CPNE2: variants seen among roughly 807,000 people sequenced by gnomAD.
The protein encoded by CPNE2 is copine 2, also known as copine-2.
CPNE2 carries 42 observed loss-of-function variants against 69.7 expected under a neutral mutation model. That is an observed-to-expected ratio of 0.60 (90% CI 0.47 to 0.78). The LOEUF (loss-of-function observed/expected upper bound fraction) is 0.78. Among genes scored for constraint, CPNE2 ranks in the 30% least tolerant of loss-of-function variants. The probability of loss-of-function intolerance (pLI) is 0.00; values close to 1 mark genes in which losing one functional copy is unlikely to be tolerated. For missense variants in CPNE2, 587 were observed against 732.0 expected (o/e 0.80, Z 2.29); for synonymous variants, 294 against 289.8 (o/e 1.01, Z -0.15).
chr16:57,109,210 C>T (rs889903719), intron 1 of CPNE2, among the ~76,000 whole-genome samples: 1 of 152,190 alleles, frequency 6.6e-6, no homozygotes, highest in South Asian at 2.1e-4. Context: ...CGCGGTGGCT[C>T]ATGCCTGTAA....
chr16:57,138,423 T>C (rs897526773), intron 14 of CPNE2, among the ~76,000 whole-genome samples: 4 of 152,138 alleles, frequency 2.6e-5, no homozygotes, highest in Admixed American at 2.0e-4. Context: ...ATCCAGCCGC[T>C]GCCCTGCCAA....
intron 9 of CPNE2, among the ~76,000 whole-genome samples, chr16:57,121,972 G>T (rs973960355): frequency 3.9e-5 from 6 of 152,230 alleles, no homozygotes; most frequent in African/African-American, 1.2e-4. Flanking sequence ...CATGTCCAGG[G>T]TTACTCTTCT....
intron 1 of CPNE2, among the ~76,000 whole-genome samples, chr16:57,094,500 A>G (rs1176551931): frequency 6.6e-6 from 1 of 152,172 alleles, no homozygotes; most frequent in Non-Finnish European, 1.5e-5. Flanking sequence ...TAAAACAGTA[A>G]GTACTGGACC....
chr16:57,123,246 G>A (rs1404480530), intron 9 of CPNE2, 168 bp from the exon 10 acceptor site: 4 of 686,650 alleles, frequency 5.8e-6, no homozygotes, highest in Admixed American at 4.5e-5. Context: ...CCATTGCACT[G>A]AAGGCTTTGT....
chr16:57,113,880 G>A (rs925260691), intron 3 of CPNE2, among the ~76,000 whole-genome samples: 3 of 152,234 alleles, frequency 2.0e-5, no homozygotes, highest in Non-Finnish European at 4.4e-5. Flanking sequence ...TAAGCTCCTG[G>A]AGGCCGGGAG....
Position 57,148,033 on chromosome 16 carries a change from C to T in CPNE2, c.*375C>T, listed in dbSNP as rs535842503. 78 of 172,568 alleles carry T rather than the reference C, an allele frequency of 4.5e-4. No homozygotes were observed. Among genetic ancestry groups the T allele is most frequent in the South Asian group, 2.0e-4 (1 of 5,056 alleles). The allele number at this position is 172,568 out of a possible 1,614,324, so 10.7% of individuals were successfully genotyped here. A position where few individuals can be genotyped will look rare whatever the true frequency, so the allele number is the denominator to read the frequency against. ...AAACATGTCCTTGGTGCATACGTGT[C>T]GTAGCCTGCACCTAATTAATTCCTG... On this transcript the variant is annotated 3_prime_UTR_variant, in exon 16 of 16. Coordinates refer to ENST00000290776, the MANE Select transcript of CPNE2 (RefSeq NM_152727.6).
In CPNE2 at chr16:57,137,226, A is replaced by G; in HGVS notation, c.1246A>G (p.Ile416Val). The G allele has an allele frequency of 6.2e-7, 1 of 1,614,110 alleles. No homozygotes were observed. Among genetic ancestry groups the G allele is most frequent in the Non-Finnish European group, 8.5e-7 (1 of 1,180,012 alleles). Residue 416 changes from isoleucine (I) to valine (V), a missense_variant, in exon 14 of 16, where the codon ATC (isoleucine) becomes GTC (valine). Ile to Val is a conservative substitution (Grantham distance 29, BLOSUM62 3). Around this residue, in one of 5 missense-constraint regions of CPNE2, gnomAD observed 185 missense variants for 252.3 expected, o/e 0.73. Transcript: ENST00000290776. The stretch of plus-strand genomic sequence containing the variant: ...CTACGGTCCTACCAATTTCTCCCCC[A>G]TCGTCAACCACGTGGCCCGGTTTGC... ...RFYGPTNFSPIVNHVARFAAQ... is the reference protein window; with the variant it reads ...RFYGPTNFSPVVNHVARFAAQ...
intron 2 of CPNE2, among the ~76,000 whole-genome samples, chr16:57,112,322 G>A (rs1248301814): frequency 2.0e-5 from 3 of 152,136 alleles, no homozygotes; most frequent in Non-Finnish European, 4.4e-5. Flanking sequence ...GCCTGTGAGA[G>A]GCATGTCTGG....
chr16:57,103,736 C>T (rs535296249), intron 1 of CPNE2, among the ~76,000 whole-genome samples: 26 of 152,328 alleles, frequency 1.7e-4, no homozygotes, highest in Admixed American at 7.2e-4. Flanking sequence ...AGCTCCTCCC[C>T]GACAGTGAGC....
intron 1 of CPNE2, chr16:57,110,501 C>G (rs2069673947): frequency 3.4e-6 from 1 of 293,042 alleles, no homozygotes; most frequent in Non-Finnish European, 6.4e-6. Context: ...TAGGCGTGAG[C>G]CACTGCGCTC....
At chr16:57,096,750 G>A (rs1567663672) in intron 1 of CPNE2, among the ~76,000 whole-genome samples, 2 of 151,536 alleles carry the variant, frequency 1.3e-5, no homozygotes, top group Admixed American at 1.3e-4. Flanking sequence ...AAGAGGGATT[G>A]CAGGAGTTGT....
chr16:57,136,534 A>G (rs921470152), intron 13 of CPNE2, among the ~76,000 whole-genome samples: 3 of 152,228 alleles, frequency 2.0e-5, no homozygotes, highest in African/African-American at 2.4e-5. Context: ...GCCAACTGCC[A>G]GAGTGTAGAT....
chr16:57,125,004 T>G, intron 10 of CPNE2: 2 of 285,664 alleles, frequency 7.0e-6, no homozygotes, highest in Non-Finnish European at 1.4e-5. Flanking sequence ...CCTGGGGGAG[T>G]GACCCTCTAG....
At chr16:57,110,076 T>G (rs1212663888) in intron 1 of CPNE2, among the ~76,000 whole-genome samples, 1 of 152,210 alleles carries the variant, frequency 6.6e-6, no homozygotes, top group African/African-American at 2.4e-5. Flanking sequence ...GAGACACCCA[T>G]GTCCACTGTG....
Position 57,147,680 on chromosome 16 carries a change from A to T in CPNE2, c.*22A>T. The T allele has an allele frequency of 6.5e-7, 1 of 1,548,578 alleles. No individual in the cohort carries two copies. The highest frequency in any genetic ancestry group is 8.8e-7 in the Non-Finnish European group (1 of 1,130,346). ...CTGAGCTCCAGTGCCCAGCAGCAGCATGTCAGCTGAGCCTCCTGCCCTCCC... is the reference window on the plus strand; with the variant it reads ...CTGAGCTCCAGTGCCCAGCAGCAGCTTGTCAGCTGAGCCTCCTGCCCTCCC... On this transcript the variant is annotated 3_prime_UTR_variant, in exon 16 of 16. Transcript: ENST00000290776.
At chr16:57,128,659 G>A (rs547386536) in intron 12 of CPNE2, among the ~76,000 whole-genome samples, 28 of 152,218 alleles carry the variant, frequency 1.8e-4, no homozygotes, top group African/African-American at 6.3e-4. Context: ...GTTGTATTAC[G>A]AGGACGTATT....
At chr16:57,138,109 G>A (rs569948941) in intron 14 of CPNE2, among the ~76,000 whole-genome samples, 38 of 152,136 alleles carry the variant, frequency 2.5e-4, no homozygotes, top group Non-Finnish European at 4.9e-4. Context: ...GCCGTGACGG[G>A]GAATCAGGCA....
chr16:57,095,110 G>C (rs553883096), intron 1 of CPNE2, among the ~76,000 whole-genome samples: 1 of 152,332 alleles, frequency 6.6e-6, no homozygotes, highest in East Asian at 1.9e-4. Context: ...TGAGGACCCA[G>C]CTCCTTCCCC....
chr16:57,137,211 A>G lies in CPNE2; in HGVS notation c.1231A>G (p.Thr411Ala), dbSNP rs1354669510. Residue 411 changes from threonine to alanine, a missense_variant, in exon 14 of 16, where the codon ACC (threonine) becomes GCC (alanine). Thr to Ala is a moderately conservative substitution (Grantham distance 58). This residue lies in a region of CPNE2 where 185 missense variants were observed against 252.3 expected (regional missense o/e 0.73). Coordinates refer to ENST00000290776, the MANE Select transcript of CPNE2 (RefSeq NM_152727.6). ...GCCCCACATCCGCTTCTACGGTCCT[A>G]CCAATTTCTCCCCCATCGTCAACCA... Reference protein sequence around the residue: ...CLPHIRFYGPTNFSPIVNHVA... With the variant: ...CLPHIRFYGPANFSPIVNHVA... 2 of 1,614,020 alleles carry G rather than the reference A, an allele frequency of 1.2e-6. No homozygotes were observed. Among genetic ancestry groups the G allele is most frequent in the African/African-American group, 1.3e-5 (1 of 74,900 alleles).
Sources: gnomAD v4.1 joint callset for allele counts (sites outside exome capture counted in the v4.1 genomes callset) on GRCh38, gnomAD v4.1.1 for gene constraint, gnomAD v4.1.1 regional missense constraint, MANE v1.5 for transcripts, NCBI Gene and HGNC (gene_info 2026-07-23, HGNC 2026-07-21) for gene names.